The following LAMA1 variants were observed in gnomAD, a reference collection of about 807,000 sequenced individuals.
LAMA1 encodes the protein laminin subunit alpha 1.
In LAMA1, 219 loss-of-function variants were observed where a neutral mutation model predicts 348.7. That is an observed-to-expected ratio of 0.63 (90% confidence interval 0.56 to 0.70). LAMA1 has a LOEUF of 0.70. Among genes scored for constraint, LAMA1 ranks in the 30% least tolerant of loss-of-function variants. The probability of loss-of-function intolerance (pLI) is 0.00; values close to 1 mark genes in which losing one functional copy is unlikely to be tolerated. For synonymous variants in LAMA1, 1,487 were observed against 1,491.0 expected, an observed-to-expected ratio of 1.00 and a Z score of 0.06; for missense variants, 3,744 against 3,888.0, an observed-to-expected ratio of 0.96 and a Z score of 0.99.
chr18:7,003,916 C>T (rs904224148), intron 29 of LAMA1, among the ~76,000 whole-genome samples: 5 of 152,148 alleles, frequency 3.3e-5, no homozygotes, highest in Non-Finnish European at 5.9e-5. Flanking sequence ...ATCTACCTGA[C>T]CTCTCAAACT....
intron 1 of LAMA1, among the ~76,000 whole-genome samples, chr18:7,094,100 T>C (rs2143806509): frequency 6.6e-6 from 1 of 152,180 alleles, no homozygotes; most frequent in African/African-American, 2.4e-5. Flanking sequence ...CTTTCACATG[T>C]ACAAATCTCC....
intron 48 of LAMA1, among the ~76,000 whole-genome samples, chr18:6,969,372 T>G (rs1482269679): frequency 6.6e-6 from 1 of 152,192 alleles, no homozygotes; most frequent in Non-Finnish European, 1.5e-5. Flanking sequence ...CAAGTGAGTT[T>G]GGGAAATGCT....
chr18:7,074,139 A>ACCACACTG (rs2058157385), intron 3 of LAMA1, among the ~76,000 whole-genome samples: 1 of 152,024 alleles, frequency 6.6e-6, no homozygotes, highest in Non-Finnish European at 1.5e-5. Context: ...GGCCAGAACA[A>ACCACACTG]CCACACTGTT....
At chr18:7,046,179 AC>A in intron 6 of LAMA1, 98 bp downstream of exon 6, 1 of 773,744 alleles carries the variant, frequency 1.3e-6, no homozygotes, top group Non-Finnish European at 2.2e-6. Context: ...ATAATTTTAT[AC>A]CTTTCATGTT....
intron 3 of LAMA1, among the ~76,000 whole-genome samples, chr18:7,064,061 C>T (rs1325974736): frequency 6.6e-6 from 1 of 152,118 alleles, no homozygotes; most frequent in African/African-American, 2.4e-5. Flanking sequence ...GTGTTTTTTT[C>T]TCTCCTGTCT....
At chr18:7,073,147 A>G (rs762126571) in intron 3 of LAMA1, among the ~76,000 whole-genome samples, 2 of 152,016 alleles carry the variant, frequency 1.3e-5, no homozygotes, top group African/African-American at 4.8e-5. Context: ...AATTCCTCAC[A>G]CTAAATTTGT....
chr18:6,942,203 G>C lies in LAMA1; in HGVS notation c.9104C>G (p.Ser3035Trp). The change falls in exon 63 of 63, where the codon TCG (serine) becomes TGG (tryptophan). Residue 3035 changes from serine (S) to tryptophan (W), a missense_variant. Physicochemically the swap from Ser to Trp is radical, Grantham distance 177. This residue lies in a region of LAMA1 where 232 missense variants were observed against 264.4 expected (regional missense o/e 0.88). Coordinates refer to ENST00000389658, the MANE Select transcript of LAMA1 (RefSeq NM_005559.4). ...VKQKCLRSQT[S>W]FRGCLRKLAL... is the part of the protein sequence containing the mutation. Reference sequence around the variant, plus strand: ...TAGCTTCCTCAAACACCCGCGGAACGAGGTCTGGCTGCGCAGGCATTTTTG... The same window carrying C: ...TAGCTTCCTCAAACACCCGCGGAACCAGGTCTGGCTGCGCAGGCATTTTTG... 11 of 1,614,170 alleles carry C rather than the reference G, an allele frequency of 6.8e-6. No individual in the cohort carries two copies. The highest frequency in any genetic ancestry group is 9.3e-6 in the Non-Finnish European group (11 of 1,180,046).
At chr18:6,948,615 A>T (rs62081479) in intron 59 of LAMA1, 59 bp from the exon 60 acceptor site, 4 of 1,602,854 alleles carry the variant, frequency 2.5e-6, no homozygotes, top group African/African-American at 1.3e-5. Flanking sequence ...GGGTTTGGAC[A>T]CATTTTCCTT....
intron 1 of LAMA1, among the ~76,000 whole-genome samples, chr18:7,087,208 G>A (rs1259828895): frequency 6.6e-6 from 1 of 152,178 alleles, no homozygotes; most frequent in Non-Finnish European, 1.5e-5. Context: ...TCCTGGTTGA[G>A]GTATTGCAGG....
chr18:6,979,654 C>A (rs1336662393), intron 42 of LAMA1, among the ~76,000 whole-genome samples: 1 of 152,180 alleles, frequency 6.6e-6, no homozygotes. Flanking sequence ...AATCCCAACA[C>A]TTTGGGAGGC....
chr18:7,004,583 C>T (rs550972643), intron 29 of LAMA1, among the ~76,000 whole-genome samples: 228 of 152,218 alleles, frequency 1.5e-3, no homozygotes, highest in African/African-American at 5.2e-3. Context: ...AACTCCCAGC[C>T]CCAGGTGATC....
At chr18:6,977,917 G>A (rs752684529) in intron 43 of LAMA1, 36 bp from the exon 44 acceptor site, 1 of 1,603,858 alleles carries the variant, frequency 6.2e-7, no homozygotes. Flanking sequence ...TGGCAAGAAA[G>A]TTGGGGAGAG....
chr18:7,105,164 C>T (rs575744085), intron 1 of LAMA1, among the ~76,000 whole-genome samples: 1 of 152,212 alleles, frequency 6.6e-6, no homozygotes, highest in South Asian at 2.1e-4. Context: ...GCAGACCAGG[C>T]GCAGTGGCTC....
rs759116462 is a variant in LAMA1 at position 6,977,900 on chromosome 18, C to A, written c.6191-19G>T. The A allele has an allele frequency of 6.2e-7, 1 of 1,608,036 alleles. No homozygotes were observed. Among genetic ancestry groups the A allele is most frequent in the Non-Finnish European group, 8.5e-7 (1 of 1,179,846 alleles). The stretch of plus-strand genomic sequence containing the variant: ...AACAGAGCTAACAAATACAAGAAGG[C>A]AAGGGGTGGCAAGAAAGTTGGGGAG... On this transcript the variant is annotated intron_variant, in intron 43 of 62. Coordinates refer to ENST00000389658, the MANE Select transcript of LAMA1 (RefSeq NM_005559.4).
intron 39 of LAMA1, among the ~76,000 whole-genome samples, chr18:6,983,777 G>A (rs756136755): frequency 1.1e-4 from 16 of 152,176 alleles, no homozygotes; most frequent in Non-Finnish European, 2.1e-4. Flanking sequence ...TGGGCACATT[G>A]CTTAGGAACT....
chr18:7,106,913 T>G (rs187815229), intron 1 of LAMA1, among the ~76,000 whole-genome samples: 181 of 152,006 alleles, frequency 1.2e-3, no homozygotes, highest in African/African-American at 4.3e-3. Flanking sequence ...TGGCATATGA[T>G]GTAGAAGCTG....
chr18:7,066,287 T>C (rs2058122656), intron 3 of LAMA1, among the ~76,000 whole-genome samples: 1 of 152,140 alleles, frequency 6.6e-6, no homozygotes, highest in African/African-American at 2.4e-5. Flanking sequence ...CATGTAAGCA[T>C]AAGATGAAAT....
Position 7,011,401 on chromosome 18 carries a change from A to G in LAMA1, c.3586T>C (p.Tyr1196His), listed in dbSNP as rs1285188985. Residue 1196 changes from tyrosine (Y) to histidine (H), a missense_variant, in exon 25 of 63, where the codon TAC (tyrosine) becomes CAC (histidine). This residue lies in a region of LAMA1 where 1,529 missense variants were observed against 1,689.4 expected (regional missense o/e 0.91). Coordinates refer to ENST00000389658, the MANE Select transcript of LAMA1 (RefSeq NM_005559.4). The stretch of plus-strand genomic sequence containing the variant: ...TCCAGCAGGAAGTCGGGGGCCTGGT[A>G]GTAAACCCCCTCGGTCGTGCCCCTC... Reference protein sequence around the residue: ...NLRGTTEGVYYQAPDFLLDAA... With the variant: ...NLRGTTEGVYHQAPDFLLDAA... 6.2e-7 allele frequency: 1 copy of G among 1,610,642 alleles called. No individual in the cohort carries two copies. Among genetic ancestry groups the G allele is most frequent in the Admixed American group, 1.7e-5 (1 of 59,556 alleles).
chr18:6,971,019 G>C (rs1054753930), intron 48 of LAMA1, among the ~76,000 whole-genome samples: 4 of 152,204 alleles, frequency 2.6e-5, no homozygotes, highest in African/African-American at 7.2e-5. Flanking sequence ...TAAATGTGCT[G>C]TGAGTTGCTT....
Sources: gnomAD v4.1 joint callset for allele counts (sites outside exome capture counted in the v4.1 genomes callset) on GRCh38, gnomAD v4.1.1 for gene constraint, gnomAD v4.1.1 regional missense constraint, MANE v1.5 for transcripts, NCBI Gene and HGNC (gene_info 2026-07-23, HGNC 2026-07-21) for gene names.